The following GRIP2 variants were observed in gnomAD, a reference collection of about 807,000 sequenced individuals.
The protein encoded by GRIP2 is glutamate receptor interacting protein 2.
In GRIP2, 58 loss-of-function variants were observed where a neutral mutation model predicts 108.3. That is an observed-to-expected ratio of 0.54 (90% CI 0.43 to 0.67). The LOEUF (loss-of-function observed/expected upper bound fraction) is 0.67. Ranked by LOEUF, GRIP2 falls within the 30% of genes least tolerant of loss-of-function variation. GRIP2 has a pLI of 0.00. For missense variants in GRIP2, 1,278 were observed against 1,430.6 expected (o/e 0.89, Z 1.72); for synonymous variants, 586 against 598.2 (o/e 0.98, Z 0.30).
At chr3:14,527,861 A>G (rs919785899) in intron 1 of GRIP2, among the ~76,000 whole-genome samples, 1 of 152,036 alleles carries the variant, frequency 6.6e-6, no homozygotes, top group Admixed American at 6.6e-5. Context: ...GTGCCACATC[A>G]CTCCAGTCTG....
the GRIP2 span, among the ~76,000 whole-genome samples, chr3:14,578,289 A>G: frequency 2.0e-5 from 3 of 152,308 alleles, no homozygotes; most frequent in African/African-American, 7.2e-5. Flanking sequence ...ACCACCAGCT[A>G]GTGACTGTGG....
chr3:14,552,801 C>A (rs1695172950), intron 1 of GRIP2, among the ~76,000 whole-genome samples: 1 of 152,152 alleles, frequency 6.6e-6, no homozygotes, highest in Non-Finnish European at 1.5e-5. Flanking sequence ...CCATGTTAGG[C>A]AGGCTGGTCT....
the GRIP2 span, among the ~76,000 whole-genome samples, chr3:14,598,642 G>A: frequency 7.2e-5 from 11 of 151,856 alleles, 1 homozygote; most frequent in Admixed American, 5.2e-4. Flanking sequence ...CAAGAGCTCC[G>A]AGCCCCTCCT....
chr3:14,494,963 C>T lies in GRIP2; in HGVS notation c.2850G>A (p.Arg950=), dbSNP rs766079761. 6.2e-7 allele frequency: 1 copy of T among 1,613,900 alleles called. No individual in the cohort carries two copies. The highest frequency in any genetic ancestry group is 8.5e-7 in the Non-Finnish European group (1 of 1,179,826). ...CTGAGACGCTGAAACCAAAGTCATG[C>T]CGCATGGGGTCCTTGTGCAGGGTCA... ...HKVTLHKDPM[R]HDFGFSVSDG... Residue 950 remains arginine (R), a synonymous_variant, in exon 23 of 24, where the codon CGG becomes CGA. Transcript: ENST00000621039.
chr3:14,553,274 A>C (rs1341408786), intron 1 of GRIP2, among the ~76,000 whole-genome samples: 1 of 151,752 alleles, frequency 6.6e-6, no homozygotes, highest in Non-Finnish European at 1.5e-5. Flanking sequence ...CGTTCAGCTA[A>C]TTTTTGTATT....
intron 1 of GRIP2, among the ~76,000 whole-genome samples, chr3:14,534,785 C>A (rs1026779177): frequency 1.3e-5 from 2 of 152,260 alleles, no homozygotes; most frequent in Admixed American, 1.3e-4. Context: ...TTTTATTTCT[C>A]TTGAAATCAT....
Position 14,523,655 on chromosome 3 carries a change from G to A in GRIP2, c.447C>T (p.Val149=). 1 of 1,612,388 alleles carries A rather than the reference G, an allele frequency of 6.2e-7. No individual in the cohort carries two copies. The highest frequency in any genetic ancestry group is 8.5e-7 in the Non-Finnish European group (1 of 1,179,296). The change falls in exon 5 of 24, where the codon GTC becomes GTT. Residue 149 remains valine, a synonymous_variant. Transcript: ENST00000621039. Reference sequence around the variant, plus strand: ...AGCTATTGCCCTCCTTGTAGAGGGAGACGTCCACTGTCTTTGAAATGATCC... The same window carrying A: ...AGCTATTGCCCTCCTTGTAGAGGGAAACGTCCACTGTCTTTGAAATGATCC... The part of the protein sequence containing the change: ...NPRIISKTVD[V]SLYKEGNSFG...
At chr3:14,574,517 C>T in the GRIP2 span, 2 of 740,470 alleles carry the variant, frequency 2.7e-6, no homozygotes, top group East Asian at 2.5e-5. Flanking sequence ...CAGTGAGGTA[C>T]TCCTGCTCCG....
At chr3:14,583,730 C>T in the GRIP2 span, among the ~76,000 whole-genome samples, 3 of 152,218 alleles carry the variant, frequency 2.0e-5, no homozygotes, top group African/African-American at 4.8e-5. Flanking sequence ...CACTGCCTGC[C>T]GGGATCCGGG....
At chr3:14,548,304 A>T (rs900875261) in intron 1 of GRIP2, among the ~76,000 whole-genome samples, 1 of 152,104 alleles carries the variant, frequency 6.6e-6, no homozygotes, top group Admixed American at 6.6e-5. Flanking sequence ...CATTCCCGGC[A>T]CTGTGACCGG....
chr3:14,564,163 G>A, the GRIP2 span, among the ~76,000 whole-genome samples: 1 of 152,226 alleles, frequency 6.6e-6, no homozygotes, highest in Non-Finnish European at 1.5e-5. Flanking sequence ...TGGCTGACAG[G>A]TGCACCCACA....
Position 14,521,888 on chromosome 3 carries a change from G to T in GRIP2, c.567-101C>A. ...GCGGGACATGGAGGATGAAGAAGCA[G>T]GGAATGGGTGGGGGAGGAAGGGGAG... On this transcript the variant is annotated intron_variant, in intron 6 of 23. Coordinates refer to ENST00000621039, the MANE Select transcript of GRIP2 (RefSeq NM_001080423.4). The surrounding 1 kb of genome is among the most constrained non-coding windows in gnomAD (Gnocchi z 5.1). 1 of 1,151,752 alleles carries T rather than the reference G, an allele frequency of 8.7e-7. No homozygotes were observed. The allele number at this position is 1,151,752 out of a possible 1,614,324, so 71.3% of individuals were successfully genotyped here. A position where few individuals can be genotyped will look rare whatever the true frequency, so the allele number is the denominator to read the frequency against.
At chr3:14,588,933 C>CA in the GRIP2 span, among the ~76,000 whole-genome samples, 1 of 152,178 alleles carries the variant, frequency 6.6e-6, no homozygotes. Context: ...TCACACCCAG[C>CA]CCCCCAAAAC....
chr3:14,564,411 A>G, the GRIP2 span, among the ~76,000 whole-genome samples: 1 of 151,982 alleles, frequency 6.6e-6, no homozygotes, highest in Non-Finnish European at 1.5e-5. Context: ...CACCTCCTCC[A>G]CTCTGACCCC....
intron 1 of GRIP2, among the ~76,000 whole-genome samples, chr3:14,551,567 G>A (rs1037324944): frequency 6.6e-6 from 1 of 152,166 alleles, no homozygotes; most frequent in Non-Finnish European, 1.5e-5. Context: ...CCTGGAGCAG[G>A]GAGACTTGTG....
chr3:14,507,478 G>T lies in GRIP2; in HGVS notation c.2218+83C>A. ...CAGGGCTGCAGTGAGGACTCTGTGA[G>T]GGTGTGCAGGCAAAGCCTGGCACAG... is the stretch of plus-strand genomic sequence containing the variant. On this transcript the variant is annotated intron_variant, in intron 18 of 23. Coordinates refer to ENST00000621039, the MANE Select transcript of GRIP2 (RefSeq NM_001080423.4). The surrounding 1 kb of genome is among the most constrained non-coding windows in gnomAD (Gnocchi z 4.6). The T allele has an allele frequency of 2.0e-6, 3 of 1,515,268 alleles. No individual in the cohort carries two copies. Among genetic ancestry groups the T allele is most frequent in the Admixed American group, 1.7e-5 (1 of 58,526 alleles). 93.9% of individuals were successfully genotyped at this position (1,515,268 alleles called of 1,614,324 possible). A position where few individuals can be genotyped will look rare whatever the true frequency, so the allele number is the denominator to read the frequency against.
chr3:14,578,532 C>T, the GRIP2 span, among the ~76,000 whole-genome samples: 2 of 152,084 alleles, frequency 1.3e-5, no homozygotes, highest in African/African-American at 4.8e-5. Context: ...GCCTGGCCAA[C>T]ATGGTGAAAT....
chr3:14,525,056 G>A (rs187875353), intron 3 of GRIP2, among the ~76,000 whole-genome samples: 1 of 152,292 alleles, frequency 6.6e-6, no homozygotes, highest in African/African-American at 2.4e-5. Flanking sequence ...CCTTGGCCTC[G>A]GGTCAGGGAG....
chr3:14,531,962 G>C (rs1302341869), intron 1 of GRIP2, among the ~76,000 whole-genome samples: 1 of 151,940 alleles, frequency 6.6e-6, no homozygotes, highest in Non-Finnish European at 1.5e-5. Context: ...CTCAGGCCTC[G>C]TCTGAGCCTG....
Sources: allele counts gnomAD v4.1 joint callset (sites outside exome capture counted in the v4.1 genomes callset), GRCh38; gene constraint gnomAD v4.1.1; non-coding constraint Gnocchi (gnomAD v3.1); transcripts MANE v1.5; gene names NCBI Gene and HGNC (gene_info 2026-07-23, HGNC 2026-07-21).